The following ABTB3 variants were observed in gnomAD, a reference collection of about 807,000 sequenced individuals.
The protein encoded by ABTB3 is ankyrin repeat- and BTB/POZ domain-containing protein 3.
the ABTB3 span, among the ~76,000 whole-genome samples, chr12:107,537,929 G>A: frequency 6.6e-6 from 1 of 152,170 alleles, no homozygotes; most frequent in Non-Finnish European, 1.5e-5. Context: ...CCTCCTGTGA[G>A]CCTGCATGAG....
chr12:107,438,626 A>G, the ABTB3 span, among the ~76,000 whole-genome samples: 1 of 152,186 alleles, frequency 6.6e-6, no homozygotes, highest in Admixed American at 6.5e-5. Flanking sequence ...GATAAAAGAC[A>G]TCAGCCATCT....
At chr12:107,559,222 A>T in the ABTB3 span, among the ~76,000 whole-genome samples, 1 of 152,216 alleles carries the variant, frequency 6.6e-6, no homozygotes, top group South Asian at 2.1e-4. Context: ...TGTCATCCTC[A>T]GTGTCTCCCA....
the ABTB3 span, among the ~76,000 whole-genome samples, chr12:107,328,606 A>G: frequency 6.6e-6 from 1 of 152,206 alleles, no homozygotes; most frequent in South Asian, 2.1e-4. Flanking sequence ...TTCCACACAC[A>G]TGACTTCATT....
the ABTB3 span, among the ~76,000 whole-genome samples, chr12:107,552,283 T>C: frequency 0.15 from 22,775 of 152,154 alleles, 2,000 homozygotes; most frequent in East Asian, 0.24. Context: ...GAAAGCCTCA[T>C]CCCCAGTCCC....
At chr12:107,365,053 TAGAGTC>T in the ABTB3 span, among the ~76,000 whole-genome samples, 1 of 152,148 alleles carries the variant, frequency 6.6e-6, no homozygotes, top group African/African-American at 2.4e-5. Context: ...AATATGGACT[TAGAGTC>T]AGACAGCCTT....
chr12:107,578,383 CTTTTTTTTTTTTTTTT>C, the ABTB3 span, among the ~76,000 whole-genome samples: 2 of 57,200 alleles, frequency 3.5e-5, no homozygotes, highest in East Asian at 1.4e-3. Flanking sequence ...CTTTCTTCTT[CTTTTTTTTTTTTTTTT>C]TTTTTTTTTT....
chr12:107,572,287 C>G, the ABTB3 span, among the ~76,000 whole-genome samples: 3 of 151,928 alleles, frequency 2.0e-5, no homozygotes, highest in Non-Finnish European at 4.4e-5. Context: ...GGACTCTCTC[C>G]TAGATCTCCA....
At chr12:107,626,337 C>T in the ABTB3 span, among the ~76,000 whole-genome samples, 1 of 133,972 alleles carries the variant, frequency 7.5e-6, no homozygotes, top group Non-Finnish European at 1.5e-5. Context: ...TGGGTACTAT[C>T]GTCATCTTTT....
chr12:107,653,239 G>A, the ABTB3 span, among the ~76,000 whole-genome samples: 4 of 152,124 alleles, frequency 2.6e-5, no homozygotes, highest in Non-Finnish European at 4.4e-5. Context: ...TGCATTGGCC[G>A]GGCACAGTGG....
chr12:107,479,412 C>T, the ABTB3 span, among the ~76,000 whole-genome samples: 1 of 151,828 alleles, frequency 6.6e-6, no homozygotes, highest in Non-Finnish European at 1.5e-5. Flanking sequence ...ATTATCTGCC[C>T]TCTCTGCATC....
chr12:107,619,947 C>A, the ABTB3 span: 59 of 1,539,216 alleles, frequency 3.8e-5, no homozygotes, highest in East Asian at 4.4e-4. Flanking sequence ...CTCTCTCCCC[C>A]TCCCCTGCCA....
At chr12:107,390,365 G>A in the ABTB3 span, among the ~76,000 whole-genome samples, 1 of 152,260 alleles carries the variant, frequency 6.6e-6, no homozygotes, top group African/African-American at 2.4e-5. Flanking sequence ...CACCTAGCCT[G>A]TGAGTGAGGG....
chr12:107,520,086 A>T, the ABTB3 span, among the ~76,000 whole-genome samples: 1 of 152,174 alleles, frequency 6.6e-6, no homozygotes, highest in Admixed American at 6.5e-5. Flanking sequence ...TTCGGCAGAG[A>T]CTATTCCCCC....
the ABTB3 span, among the ~76,000 whole-genome samples, chr12:107,512,499 G>T: frequency 0.013 from 1,950 of 152,320 alleles, 41 homozygotes; most frequent in African/African-American, 0.043. Context: ...TTGCCTATCA[G>T]TTCCTGGGTA....
the ABTB3 span, among the ~76,000 whole-genome samples, chr12:107,591,518 C>G: frequency 1.3e-5 from 2 of 152,132 alleles, no homozygotes; most frequent in Non-Finnish European, 2.9e-5. Context: ...ATCACGAGAA[C>G]AGCAAGGGGG....
the ABTB3 span, chr12:107,615,141 T>G: frequency 3.1e-6 from 5 of 1,613,538 alleles, no homozygotes; most frequent in Non-Finnish European, 4.2e-6. Context: ...CTGTGTTGCA[T>G]GGACATATTC....
At chr12:107,423,993 A>G in the ABTB3 span, among the ~76,000 whole-genome samples, 1 of 152,222 alleles carries the variant, frequency 6.6e-6, no homozygotes, top group African/African-American at 2.4e-5. Context: ...CCAAAGCCCC[A>G]AATTTGCCCA....
chr12:107,515,286 G>T, the ABTB3 span, among the ~76,000 whole-genome samples: 13 of 152,166 alleles, frequency 8.5e-5, no homozygotes, highest in African/African-American at 3.1e-4. Flanking sequence ...TGCAAATAGT[G>T]CAAATACTAA....
chr12:107,583,236 G>A, the ABTB3 span, among the ~76,000 whole-genome samples: 33 of 152,250 alleles, frequency 2.2e-4, no homozygotes, highest in East Asian at 4.8e-3. Flanking sequence ...CCTATAAAGC[G>A]GTCATTTTTA....
Sources: gnomAD v4.1 joint callset for allele counts (sites outside exome capture counted in the v4.1 genomes callset) on GRCh38, gnomAD v4.1.1 for gene constraint, MANE v1.5 for transcripts, NCBI Gene and HGNC (gene_info 2026-07-23, HGNC 2026-07-21) for gene names.